Variants in ARHGEF26 observed in about 807,000 individuals in gnomAD.
ARHGEF26 encodes the protein Rho guanine nucleotide exchange factor 26.
In ARHGEF26, 59 loss-of-function variants were observed where a neutral mutation model predicts 89.4. The observed-to-expected ratio is 0.66, with a 90% confidence interval of 0.54 to 0.82. The LOEUF (loss-of-function observed/expected upper bound fraction) is 0.82. Ranked by LOEUF, ARHGEF26 falls within the 40% of genes least tolerant of loss-of-function variation. The pLI, the probability that ARHGEF26 is intolerant of heterozygous loss-of-function variation, is 0.00. For synonymous variants in ARHGEF26, 500 were observed against 428.4 expected (o/e 1.17, Z -2.06); for missense variants, 1,234 against 1,085.6 (o/e 1.14, Z -1.92).
At chr3:154,133,200 T>A (rs1031654540) in intron 4 of ARHGEF26, among the ~76,000 whole-genome samples, 2 of 152,126 alleles carry the variant, frequency 1.3e-5, no homozygotes, top group Admixed American at 6.5e-5. Flanking sequence ...GTGCTGTAAT[T>A]TGTCTGGGCG....
At chr3:154,155,201 C>A (rs1720256890) in intron 6 of ARHGEF26, among the ~76,000 whole-genome samples, 2 of 151,934 alleles carry the variant, frequency 1.3e-5, no homozygotes, top group Non-Finnish European at 1.5e-5. Context: ...GAATAAGAGC[C>A]ATCTGGAACA....
intron 6 of ARHGEF26, chr3:154,187,257 A>G (rs2108176472): frequency 2.1e-6 from 2 of 960,294 alleles, no homozygotes; most frequent in Non-Finnish European, 1.2e-6. Context: ...ACAATAAAAT[A>G]TATAAGCATT....
At chr3:154,192,345 T>A (rs560504573) in intron 8 of ARHGEF26, among the ~76,000 whole-genome samples, 252 of 152,362 alleles carry the variant, frequency 1.7e-3, no homozygotes, top group Non-Finnish European at 2.5e-3. Context: ...TGTATCCCAT[T>A]GTAAATTCTA....
intron 6 of ARHGEF26, among the ~76,000 whole-genome samples, chr3:154,186,136 G>GAC (rs60675240): frequency 0.02 from 2,878 of 147,010 alleles, 40 homozygotes; most frequent in African/African-American, 0.033. Flanking sequence ...CACACACTTA[G>GAC]ACACACACAC....
chr3:154,152,179 G>C (rs540330001), intron 5 of ARHGEF26, among the ~76,000 whole-genome samples: 1 of 152,174 alleles, frequency 6.6e-6, no homozygotes, highest in Non-Finnish European at 1.5e-5. Flanking sequence ...AATTGTATGA[G>C]TTTATATAAA....
At chr3:154,210,762 C>T (rs185326713) in intron 9 of ARHGEF26, among the ~76,000 whole-genome samples, 1,556 of 151,334 alleles carry the variant, frequency 0.01, 21 homozygotes, top group African/African-American at 0.036. Flanking sequence ...GCCAATATGG[C>T]GAAACCCTAT....
intron 12 of ARHGEF26, among the ~76,000 whole-genome samples, chr3:154,252,867 A>T (rs1484872040): frequency 6.6e-6 from 1 of 152,204 alleles, no homozygotes; most frequent in Non-Finnish European, 1.5e-5. Context: ...TTAAACTGTC[A>T]TATGGGAAGT....
In ARHGEF26 at chr3:154,122,047, C is replaced by T. The variant is rs1442950279; in HGVS notation, c.55C>T (p.Arg19Trp). The part of the protein sequence containing the change: ...FSSNSITPLW[R>W]RRSIPQPHQV... The stretch of plus-strand genomic sequence containing the variant: ...TAGCAACAGCATAACCCCTTTGTGG[C>T]GGAGGCGGTCGATTCCTCAGCCCCA... The change falls in exon 2 of 15, where the codon CGG (arginine) becomes TGG (tryptophan). Residue 19 changes from arginine (R) to tryptophan (W), a missense_variant. By Grantham distance (101) the Arg-to-Trp change is moderately radical. Coordinates refer to ENST00000465093, the MANE Select transcript of ARHGEF26 (RefSeq NM_015595.4). 1.2e-6 allele frequency: 2 copies of T among 1,611,368 alleles called. No homozygotes were observed. The highest frequency in any genetic ancestry group is 8.5e-7 in the Non-Finnish European group (1 of 1,177,970).
intron 9 of ARHGEF26, among the ~76,000 whole-genome samples, chr3:154,207,778 T>C (rs1715116861): frequency 6.6e-6 from 1 of 152,176 alleles, no homozygotes; most frequent in Admixed American, 6.5e-5. Flanking sequence ...ATCGTTCTGT[T>C]ATAAAGACAC....
intron 10 of ARHGEF26, among the ~76,000 whole-genome samples, chr3:154,222,952 A>G (rs538176712): frequency 1.3e-5 from 2 of 152,324 alleles, no homozygotes; most frequent in East Asian, 3.9e-4. Context: ...GGTTGTAGAG[A>G]AAAAGCTGGT....
Position 154,257,258 on chromosome 3 carries a change from T to C in ARHGEF26, c.*1785T>C, listed in dbSNP as rs565189466. The C allele has an allele frequency of 7.2e-4, 155 of 214,284 alleles. 1 individual carries two copies. The highest frequency in any genetic ancestry group is 6.0e-3 in the South Asian group (35 of 5,820). The allele number at this position is 214,284 out of a possible 1,614,324, so 13.3% of individuals were successfully genotyped here. A position where few individuals can be genotyped will look rare whatever the true frequency, so the allele number is the denominator to read the frequency against. ...AAATATATTTCAGACCGTGAGTACC[T>C]TGAGATCTGAGCAACTGTGTTAATG... On this transcript the variant is annotated 3_prime_UTR_variant, in exon 15 of 15. Transcript: ENST00000465093.
intron 6 of ARHGEF26, among the ~76,000 whole-genome samples, chr3:154,170,115 A>G (rs1003072803): frequency 7.2e-5 from 11 of 152,000 alleles, no homozygotes; most frequent in African/African-American, 2.7e-4. Flanking sequence ...TAATCTCAGC[A>G]CTTTGCGAGG....
At chr3:154,237,397 C>T (rs1294663544) in intron 11 of ARHGEF26, among the ~76,000 whole-genome samples, 1 of 151,990 alleles carries the variant, frequency 6.6e-6, no homozygotes. Flanking sequence ...CAAAAATTAA[C>T]CAGGCATGGT....
intron 6 of ARHGEF26, among the ~76,000 whole-genome samples, chr3:154,179,662 G>A (rs993516391): frequency 3.9e-5 from 6 of 152,198 alleles, no homozygotes; most frequent in African/African-American, 1.2e-4. Flanking sequence ...GAAAGAATGG[G>A]TAGGGAAGGG....
chr3:154,204,097 G>A (rs1224196499), intron 9 of ARHGEF26, among the ~76,000 whole-genome samples: 1 of 151,972 alleles, frequency 6.6e-6, no homozygotes, highest in Non-Finnish European at 1.5e-5. Context: ...ATGTTTAGTA[G>A]AATTCAGCAG....
At chr3:154,131,560 C>A (rs948226205) in intron 4 of ARHGEF26, among the ~76,000 whole-genome samples, 11 of 152,116 alleles carry the variant, frequency 7.2e-5, no homozygotes, top group African/African-American at 2.7e-4. Context: ...TCCATTGAGG[C>A]CATGTTGGCT....
At chr3:154,175,055 C>T (rs357476) in intron 6 of ARHGEF26, among the ~76,000 whole-genome samples, 138,504 of 152,212 alleles carry the variant, frequency 0.91, 63,231 homozygotes, top group East Asian at 1. Flanking sequence ...ATACTGCTTT[C>T]AGCCTGTATG....
intron 10 of ARHGEF26, 67 bp downstream of exon 10, chr3:154,218,025 A>G (rs1019050770): frequency 8.2e-6 from 11 of 1,347,420 alleles, no homozygotes; most frequent in Non-Finnish European, 1.1e-5. Flanking sequence ...GAGACAGTTG[A>G]GGGCAACAAA....
At chr3:154,188,712 A>G (rs1270776940) in intron 7 of ARHGEF26, among the ~76,000 whole-genome samples, 1 of 152,064 alleles carries the variant, frequency 6.6e-6, no homozygotes, top group Non-Finnish European at 1.5e-5. Flanking sequence ...ACCCCTATGG[A>G]GGAGTAGGGG....
Sources: gnomAD v4.1 joint callset for allele counts (sites outside exome capture counted in the v4.1 genomes callset) on GRCh38, gnomAD v4.1.1 for gene constraint, MANE v1.5 for transcripts, NCBI Gene and HGNC (gene_info 2026-07-23, HGNC 2026-07-21) for gene names.